The following DCP1B variants were observed in gnomAD, a reference collection of about 807,000 sequenced individuals.
DCP1B encodes decapping mRNA 1B, also known as mRNA-decapping enzyme 1B.
A neutral mutation model predicts 60.5 loss-of-function variants in DCP1B; 47 were observed. The observed-to-expected ratio is 0.78, with a 90% confidence interval of 0.61 to 0.99. DCP1B has a LOEUF of 0.99. DCP1B is among the 50% of genes least tolerant of loss of function. The pLI is 0.00. For synonymous variants in DCP1B, 267 were observed against 280.3 expected, an observed-to-expected ratio of 0.95 and a Z score of 0.47; for missense variants, 725 against 756.8, an observed-to-expected ratio of 0.96 and a Z score of 0.49.
At chr12:1,973,284 G>A (rs2033128184) in intron 3 of DCP1B, among the ~76,000 whole-genome samples, 1 of 152,158 alleles carries the variant, frequency 6.6e-6, no homozygotes, top group South Asian at 2.1e-4. Flanking sequence ...GTTCAAAGCA[G>A]ATGAGAAGCA....
intron 3 of DCP1B, among the ~76,000 whole-genome samples, chr12:1,983,309 A>T (rs2036700472): frequency 6.6e-6 from 1 of 150,544 alleles, no homozygotes; most frequent in Non-Finnish European, 1.5e-5. Context: ...CTCTTCTCCT[A>T]TTTTCTTTAA....
At chr12:1,986,125 T>C (rs2037697175) in intron 3 of DCP1B, among the ~76,000 whole-genome samples, 1 of 152,240 alleles carries the variant, frequency 6.6e-6, no homozygotes, top group Non-Finnish European at 1.5e-5. Flanking sequence ...CAGTTCTATT[T>C]TCAAAGGTGT....
chr12:1,977,422 G>A (rs1212495219), intron 3 of DCP1B, among the ~76,000 whole-genome samples: 2 of 152,152 alleles, frequency 1.3e-5, no homozygotes, highest in Non-Finnish European at 2.9e-5. Context: ...TCCAAGCAGC[G>A]TATCTTCAAA....
intron 3 of DCP1B, among the ~76,000 whole-genome samples, chr12:1,974,737 T>C (rs562100072): frequency 2.0e-5 from 3 of 152,282 alleles, no homozygotes; most frequent in Admixed American, 2.0e-4. Flanking sequence ...CTGAATGACC[T>C]GAAAAATGTA....
chr12:1,965,427 G>A (rs1469422498), intron 5 of DCP1B, 131 bp downstream of exon 5: 3 of 1,145,102 alleles, frequency 2.6e-6, no homozygotes, highest in East Asian at 6.2e-5. Flanking sequence ...TACAAATAAA[G>A]ATTTTTTATT....
intron 3 of DCP1B, among the ~76,000 whole-genome samples, chr12:1,968,920 C>T (rs2154457257): frequency 6.6e-6 from 1 of 152,120 alleles, no homozygotes; most frequent in East Asian, 1.9e-4. Context: ...TTAGTATGTG[C>T]CTATCTATAT....
chr12:2,001,053 A>AG (rs1387980278), intron 1 of DCP1B, among the ~76,000 whole-genome samples: 2 of 149,094 alleles, frequency 1.3e-5, no homozygotes, highest in Non-Finnish European at 3.0e-5. Flanking sequence ...AAAAAAAAAA[A>AG]GAGAGATAAT....
intron 2 of DCP1B, among the ~76,000 whole-genome samples, chr12:1,994,582 G>A (rs2040345074): frequency 6.6e-6 from 1 of 152,192 alleles, no homozygotes; most frequent in Admixed American, 6.5e-5. Context: ...CTCCCAAAGA[G>A]CTCTGTTAGG....
intron 7 of DCP1B, among the ~76,000 whole-genome samples, chr12:1,950,830 C>A (rs773782741): frequency 6.6e-6 from 1 of 152,040 alleles, no homozygotes; most frequent in Non-Finnish European, 1.5e-5. Flanking sequence ...ACAAAAAATT[C>A]TTGTAGAGAC....
At position 1,962,257 on chromosome 12, in the gene DCP1B, T is replaced by A. The variant is rs937589314; in HGVS notation, c.522+3301A>T. Among the ~76,000 whole-genome samples, 3 of 152,144 alleles carry A rather than the reference T, an allele frequency of 2.0e-5. No individual in the cohort carries two copies. Among genetic ancestry groups the A allele is most frequent in the Admixed American group, 6.5e-5 (1 of 15,270 alleles). ...TACAGGCCAGAGACGAGGAGATACG[T>A]ATGGCTCAGGATTGGTTAGTGTGCA... On this transcript the variant is annotated intron_variant, in intron 5 of 8. Coordinates refer to ENST00000280665, the MANE Select transcript of DCP1B (RefSeq NM_152640.5). This position sits in a 1 kb window ranked among gnomAD's most constrained non-coding sequence, Gnocchi z 4.4.
intron 3 of DCP1B, among the ~76,000 whole-genome samples, chr12:1,984,611 T>C (rs1380829354): frequency 1.3e-5 from 2 of 151,998 alleles, no homozygotes; most frequent in African/African-American, 2.4e-5. Flanking sequence ...CAGTCACATG[T>C]ATTTTAAAGA....
rs973605310 is a variant in DCP1B at position 1,953,308 on chromosome 12, C to T, written c.652-20G>A. The T allele has an allele frequency of 5.2e-6, 8 of 1,544,590 alleles. No homozygotes were observed. Among genetic ancestry groups the T allele is most frequent in the Non-Finnish European group, 6.9e-6 (8 of 1,153,854 alleles). On this transcript the variant is annotated intron_variant, in intron 6 of 8. Coordinates refer to ENST00000280665, the MANE Select transcript of DCP1B (RefSeq NM_152640.5). ...TAAGGTCTGGAAAAAATAAAGATATCTGACATGAGTCTACAAACAATTTGG... is the reference window on the plus strand; with the variant it reads ...TAAGGTCTGGAAAAAATAAAGATATTTGACATGAGTCTACAAACAATTTGG...
rs1214385685 is a variant in DCP1B, at chr12:1,949,066, G to C, written c.1773+20C>G. On this transcript the variant is annotated intron_variant, in intron 8 of 8. Transcript: ENST00000280665. ...CAACAGGCGTGGTCAGGTGCGAAGG[G>C]AGATGACGTGCTTGCTTACCTGAAT... 2 of 1,606,430 alleles carry C rather than the reference G, an allele frequency of 1.2e-6. No individual in the cohort carries two copies.
chr12:1,949,187 TG>T lies in DCP1B; in HGVS notation c.1671del (p.Thr558ProfsTer14). ...CTCTGTATGGGCAGGAGGAGGCTGG[TG>T]GCAGCAGCAGGTGGCTCCTGGCCTC... ...PVGGQEPPAA[A>X]TSLLLPIQSP... On this transcript the variant is annotated frameshift_variant, in exon 8 of 9. Transcript: ENST00000280665. LOFTEE classifies it high-confidence loss of function. The T allele has an allele frequency of 3.7e-6, 6 of 1,614,172 alleles. No homozygotes were observed. Among genetic ancestry groups the T allele is most frequent in the Non-Finnish European group, 5.1e-6 (6 of 1,180,022 alleles).
chr12:1,951,497 G>C (rs1376736088), intron 7 of DCP1B, among the ~76,000 whole-genome samples: 1 of 152,176 alleles, frequency 6.6e-6, no homozygotes, highest in East Asian at 1.9e-4. Context: ...GATGGACATG[G>C]AAAAGCATCT....
downstream of DCP1B, among the ~76,000 whole-genome samples, chr12:1,942,986 C>A (rs1366139482): frequency 2.0e-5 from 3 of 151,996 alleles, no homozygotes; most frequent in Non-Finnish European, 2.9e-5. Context: ...AAAAACCCTT[C>A]AAAAAATCAA....
At chr12:1,968,452 C>T (rs2470426) in intron 3 of DCP1B, among the ~76,000 whole-genome samples, 2,395 of 151,954 alleles carry the variant, frequency 0.016, 70 homozygotes, top group African/African-American at 0.054. Flanking sequence ...AACTGTGCTC[C>T]GCGTGAAAAC....
rs188230410 is a variant in DCP1B at position 1,991,075 on chromosome 12, T to C, written c.319+2189A>G. 3.8e-4 allele frequency: 172 copies of C among 455,958 alleles called. 1 individual carries two copies. Among genetic ancestry groups the C allele is most frequent in the Non-Finnish European group, 6.7e-4 (153 of 226,852 alleles). The allele number at this position is 455,958 out of a possible 1,614,324, so 28.2% of individuals were successfully genotyped here. On this transcript the variant is annotated intron_variant, in intron 3 of 8. Transcript: ENST00000280665. ...TGTTCAACTGATTCTATTTCTTTTG[T>C]ATGGAAATTCATTAGAAACATTTTA...
intron 8 of DCP1B, 82 bp from the exon 9 acceptor site, chr12:1,946,368 G>A (rs767998164): frequency 1.1e-5 from 12 of 1,072,180 alleles, no homozygotes; most frequent in Non-Finnish European, 1.6e-5. Context: ...GAGCTGAACT[G>A]GCCTTTGGAT....
Sources: allele counts gnomAD v4.1 joint callset (sites outside exome capture counted in the v4.1 genomes callset), GRCh38; gene constraint gnomAD v4.1.1; non-coding constraint Gnocchi (gnomAD v3.1); transcripts MANE v1.5; gene names NCBI Gene and HGNC (gene_info 2026-07-23, HGNC 2026-07-21).